TMEM135: variants seen among roughly 807,000 people sequenced by gnomAD.
TMEM135 encodes peroxisomal membrane protein 52.
Under a neutral mutation model 60.3 loss-of-function variants are expected in TMEM135, and 30 were observed. The ratio of observed to expected loss-of-function variants is 0.50; its 90% CI spans 0.37 to 0.68. The LOEUF is 0.68. TMEM135 is among the 30% of genes least tolerant of loss of function. The pLI is 0.00. For synonymous variants in TMEM135, 190 were observed against 186.7 expected (o/e 1.02, Z -0.14); for missense variants, 468 against 548.8 (o/e 0.85, Z 1.47).
At chr11:87,249,185 G>A (rs558207716) in intron 6 of TMEM135, among the ~76,000 whole-genome samples, 1 of 152,208 alleles carries the variant, frequency 6.6e-6, no homozygotes. Context: ...TAGAAGAAAG[G>A]CTTTCAGTTT....
At chr11:87,102,098 T>G (rs1374999441) in intron 4 of TMEM135, among the ~76,000 whole-genome samples, 1 of 152,200 alleles carries the variant, frequency 6.6e-6, no homozygotes, top group African/African-American at 2.4e-5. Flanking sequence ...CAGCTTAGTG[T>G]CCTCTAATTC....
At chr11:87,136,438 G>A (rs1342569000) in intron 4 of TMEM135, among the ~76,000 whole-genome samples, 1 of 151,978 alleles carries the variant, frequency 6.6e-6, no homozygotes, top group Admixed American at 6.6e-5. Context: ...CTATGCCCGT[G>A]GGGGATATTG....
intron 6 of TMEM135, among the ~76,000 whole-genome samples, chr11:87,285,261 T>C (rs1942142550): frequency 6.6e-6 from 1 of 152,208 alleles, no homozygotes; most frequent in South Asian, 2.1e-4. Flanking sequence ...GTGTATTCTT[T>C]TACGTGGGTT....
At chr11:87,113,039 T>G (rs781443807) in intron 4 of TMEM135, among the ~76,000 whole-genome samples, 1 of 152,024 alleles carries the variant, frequency 6.6e-6, no homozygotes, top group Non-Finnish European at 1.5e-5. Flanking sequence ...ATGAAGAAAT[T>G]TAAGAGATTA....
intron 5 of TMEM135, among the ~76,000 whole-genome samples, chr11:87,233,014 G>T (rs1940921381): frequency 6.6e-6 from 1 of 152,080 alleles, no homozygotes; most frequent in African/African-American, 2.4e-5. Context: ...AGCTGGGTGT[G>T]GTGACACATG....
intron 6 of TMEM135, among the ~76,000 whole-genome samples, chr11:87,256,436 T>G (rs1341414293): frequency 6.6e-6 from 1 of 152,212 alleles, no homozygotes; most frequent in Non-Finnish European, 1.5e-5. Context: ...CCTTAAAGAA[T>G]TAACTTTTGG....
chr11:87,099,427 C>T (rs1857402255), intron 4 of TMEM135, among the ~76,000 whole-genome samples: 1 of 151,974 alleles, frequency 6.6e-6, no homozygotes, highest in South Asian at 2.1e-4. Context: ...TAGCATATCG[C>T]AAAACTATAA....
At chr11:87,116,364 A>T (rs1857879734) in intron 4 of TMEM135, among the ~76,000 whole-genome samples, 1 of 152,206 alleles carries the variant, frequency 6.6e-6, no homozygotes, top group Non-Finnish European at 1.5e-5. Context: ...AGAATATGGA[A>T]GTCATTACTC....
chr11:87,085,376 A>T (rs533707729), intron 3 of TMEM135, among the ~76,000 whole-genome samples: 1 of 152,214 alleles, frequency 6.6e-6, no homozygotes, highest in South Asian at 2.1e-4. Flanking sequence ...TCATAATAGT[A>T]ACAGTATGTG....
rs7945567 is a variant in TMEM135 at position 87,315,548 on chromosome 11, C to T, written c.1077+1001C>T. ...CAGTAGCCCTATAGCTATTGGTTTTCGCAGCTGTTAATAATTATCACTGGG... is the reference window on the plus strand; with the variant it reads ...CAGTAGCCCTATAGCTATTGGTTTTTGCAGCTGTTAATAATTATCACTGGG... On this transcript the variant is annotated intron_variant, in intron 12 of 14. Coordinates refer to ENST00000305494, the MANE Select transcript of TMEM135 (RefSeq NM_022918.4). Among the ~76,000 whole-genome samples, 851 of 151,994 alleles carry T rather than the reference C, an allele frequency of 5.6e-3. 13 individuals carry two copies. Among genetic ancestry groups the T allele is most frequent in the African/African-American group, 0.019 (785 of 41,516 alleles).
chr11:87,157,614 T>C (rs1036287548), intron 5 of TMEM135: 28 of 497,068 alleles, frequency 5.6e-5, no homozygotes, highest in Non-Finnish European at 9.0e-5. Flanking sequence ...ATTACTGTCT[T>C]TTTACCTTTA....
chr11:87,144,709 A>AGTGTGTGTGT (rs4014711), intron 4 of TMEM135, among the ~76,000 whole-genome samples: 7,206 of 147,054 alleles, frequency 0.049, 229 homozygotes, highest in South Asian at 0.1. Flanking sequence ...TGTGTGTGAA[A>AGTGTGTGTGT]GTGTGTGTGT....
Position 87,162,922 on chromosome 11 carries a change from G to A in TMEM135, c.462+5516G>A, listed in dbSNP as rs149552350. On this transcript the variant is annotated intron_variant, in intron 5 of 14. Coordinates refer to ENST00000305494, the MANE Select transcript of TMEM135 (RefSeq NM_022918.4). The stretch of plus-strand genomic sequence containing the variant: ...TTTAATGATCGCCATTCTAACTGGC[G>A]TAAGATGGTATCTTATTGTGGTTTT... 5.8e-3 allele frequency among the ~76,000 whole-genome samples: 872 copies of A among 151,632 alleles called. 4 individuals carry two copies. The highest frequency in any genetic ancestry group is 0.034 in the East Asian group (177 of 5,178).
chr11:87,108,432 A>G lies in TMEM135; in HGVS notation c.396+17037A>G, dbSNP rs369505094. Among the ~76,000 whole-genome samples the G allele has an allele frequency of 4.0e-5, 6 of 151,302 alleles. No individual in the cohort carries two copies. The East Asian group carries it at 9.7e-4, about 25-fold the overall frequency. ...AAGTCTTTAATCCAATGTCTCTTTC[A>G]TTTTTCATTTTATTTTTCTTCTCTC... is the stretch of plus-strand genomic sequence containing the variant. On this transcript the variant is annotated intron_variant, in intron 4 of 14. Transcript: ENST00000305494.
chr11:87,257,098 A>G (rs1941541559), intron 6 of TMEM135, among the ~76,000 whole-genome samples: 1 of 152,210 alleles, frequency 6.6e-6, no homozygotes, highest in African/African-American at 2.4e-5. Context: ...AGCAATGTTG[A>G]GTGTGACTAA....
intron 6 of TMEM135, among the ~76,000 whole-genome samples, chr11:87,288,647 A>G (rs915120493): frequency 3.5e-5 from 5 of 142,710 alleles, no homozygotes; most frequent in African/African-American, 1.3e-4. Flanking sequence ...CCAGTTATTT[A>G]TGGTAGTCAT....
intron 4 of TMEM135, among the ~76,000 whole-genome samples, chr11:87,116,628 CATACACACACACACACACAG>C (rs1182333917): frequency 7.5e-6 from 1 of 133,488 alleles, no homozygotes; most frequent in Non-Finnish European, 1.6e-5. Flanking sequence ...CACACACACA[CATACACACACACACACACAG>C]ACACACACAT....
chr11:87,053,171 G>C (rs1282371113), intron 1 of TMEM135, among the ~76,000 whole-genome samples: 1 of 96,442 alleles, frequency 1.0e-5, no homozygotes, highest in African/African-American at 4.2e-5. Flanking sequence ...TGGTGGGGTC[G>C]GGGGAGGGGG....
intron 1 of TMEM135, among the ~76,000 whole-genome samples, chr11:87,065,920 T>C (rs1424191478): frequency 6.6e-6 from 1 of 152,250 alleles, no homozygotes; most frequent in Non-Finnish European, 1.5e-5. Context: ...ATATTATAGC[T>C]TACTGCTGTT....
Sources: allele counts gnomAD v4.1 joint callset (sites outside exome capture counted in the v4.1 genomes callset), GRCh38; gene constraint gnomAD v4.1.1; transcripts MANE v1.5; gene names NCBI Gene and HGNC (gene_info 2026-07-23, HGNC 2026-07-21).